Variants in NEK11 observed in about 807,000 individuals in gnomAD.
NEK11 encodes the protein NIMA related kinase 11, also known as serine/threonine-protein kinase Nek11.
Under a neutral mutation model 80.7 loss-of-function variants are expected in NEK11, and 72 were observed. The observed-to-expected ratio is 0.89, with a 90% CI of 0.74 to 1.08. The LOEUF (loss-of-function observed/expected upper bound fraction) is 1.08. NEK11 is among the 50% of genes least tolerant of loss of function. The pLI is 0.00. For synonymous variants in NEK11, 251 were observed against 260.7 expected (o/e 0.96, Z 0.36); for missense variants, 764 against 763.6 (o/e 1.00, Z -0.01).
chr3:131,319,040 T>C (rs1032768283), intron 17 of NEK11, among the ~76,000 whole-genome samples: 2 of 152,054 alleles, frequency 1.3e-5, no homozygotes, highest in Admixed American at 6.6e-5. Flanking sequence ...ATAACTCATA[T>C]ATAATGTTGA....
At chr3:131,319,101 A>T (rs10934967) in intron 17 of NEK11, among the ~76,000 whole-genome samples, 8,264 of 152,174 alleles carry the variant, frequency 0.054, 729 homozygotes, top group African/African-American at 0.19. Flanking sequence ...ACTAAGATAA[A>T]TATCTTGTAA....
intron 17 of NEK11, chr3:131,325,561 A>T (rs568835518): frequency 1.2e-4 from 19 of 152,288 alleles, no homozygotes; most frequent in African/African-American, 4.1e-4. Flanking sequence ...TATACTTTAT[A>T]TCTTTTCATA....
chr3:131,263,773 C>G (rs1017419520), intron 16 of NEK11, among the ~76,000 whole-genome samples: 17 of 152,078 alleles, frequency 1.1e-4, no homozygotes, highest in African/African-American at 4.1e-4. Flanking sequence ...AGTTCTAGAT[C>G]CTTGAGGAAT....
intron 4 of NEK11, among the ~76,000 whole-genome samples, chr3:131,082,223 T>A (rs2075375796): frequency 6.6e-6 from 1 of 152,232 alleles, no homozygotes. Flanking sequence ...CACCAATTCG[T>A]GCAAAACTAC....
At chr3:131,259,209 C>T (rs1290919634) in intron 16 of NEK11, among the ~76,000 whole-genome samples, 1 of 152,138 alleles carries the variant, frequency 6.6e-6, no homozygotes, top group Non-Finnish European at 1.5e-5. Flanking sequence ...CTCTCCTAGA[C>T]CATCTTCTTC....
In NEK11 at chr3:131,040,485, G is replaced by A. The variant is rs2066315530; in HGVS notation, c.170+10607G>A. 2.0e-5 allele frequency among the ~76,000 whole-genome samples: 3 copies of A among 152,200 alleles called. No homozygotes were observed. The South Asian group carries it at 6.2e-4, about 32-fold the overall frequency. On this transcript the variant is annotated intron_variant, in intron 3 of 17. Coordinates refer to ENST00000383366, the MANE Select transcript of NEK11 (RefSeq NM_024800.5). Reference sequence around the variant, plus strand: ...ATATGTGCAGTGTATTATGTCAATTGTACCTTAACAATTGTGTTTAGAAAA... The same window carrying A: ...ATATGTGCAGTGTATTATGTCAATTATACCTTAACAATTGTGTTTAGAAAA...
chr3:131,204,657 A>G (rs1296688632), intron 14 of NEK11, among the ~76,000 whole-genome samples: 2 of 151,880 alleles, frequency 1.3e-5, no homozygotes, highest in Non-Finnish European at 2.9e-5. Flanking sequence ...GCAGAGGAAA[A>G]ATGGTTTGAG....
intron 14 of NEK11, chr3:131,174,650 G>C (rs1416902305): frequency 2.7e-6 from 3 of 1,098,432 alleles, no homozygotes; most frequent in African/African-American, 1.6e-5. Flanking sequence ...CAACTGGAAT[G>C]TTAAAGAAAT....
At position 131,062,539 on chromosome 3, in the gene NEK11, C is replaced by T. The variant is rs573785533; in HGVS notation, c.171-17884C>T. On this transcript the variant is annotated intron_variant, in intron 3 of 17. Transcript: ENST00000383366. ...CCACCACCAGAAATAAAATATAGAA[C>T]ATTCCTACACCCTTAAAAAGTTATC... Among the ~76,000 whole-genome samples, 7 of 152,324 alleles carry T rather than the reference C, an allele frequency of 4.6e-5. No homozygotes were observed. The South Asian group carries it at 1.4e-3, about 32-fold the overall frequency.
chr3:131,092,926 A>G (rs577596018), intron 4 of NEK11: 10 of 152,338 alleles, frequency 6.6e-5, no homozygotes, highest in African/African-American at 2.4e-4. Context: ...CAAAGCAAGC[A>G]CAATTTCTCG....
intron 17 of NEK11, among the ~76,000 whole-genome samples, chr3:131,337,311 TG>T (rs1238576490): frequency 6.6e-5 from 10 of 152,124 alleles, no homozygotes; most frequent in African/African-American, 2.2e-4. Flanking sequence ...TCATGTCCTT[TG>T]TAGGGACATG....
At chr3:131,234,043 C>T (rs892355401) in intron 15 of NEK11, among the ~76,000 whole-genome samples, 1 of 152,228 alleles carries the variant, frequency 6.6e-6, no homozygotes, top group Non-Finnish European at 1.5e-5. Context: ...TTCTCCTCCA[C>T]TGATGATAGA....
chr3:131,089,795 G>C (rs2076477192), intron 4 of NEK11, among the ~76,000 whole-genome samples: 1 of 152,044 alleles, frequency 6.6e-6, no homozygotes, highest in Non-Finnish European at 1.5e-5. Flanking sequence ...GATGATAATA[G>C]GGATATGCAT....
chr3:131,068,147 C>T (rs557713295), intron 3 of NEK11, among the ~76,000 whole-genome samples: 3 of 152,316 alleles, frequency 2.0e-5, no homozygotes, highest in African/African-American at 7.2e-5. Context: ...CAAATCCACC[C>T]TCTGTCCCAA....
At chr3:131,029,348 A>G (rs188684182) in intron 2 of NEK11, among the ~76,000 whole-genome samples, 140 of 152,344 alleles carry the variant, frequency 9.2e-4, no homozygotes, top group African/African-American at 3.2e-3. Context: ...TGCTCATTGT[A>G]AAACAGATGT....
intron 4 of NEK11, among the ~76,000 whole-genome samples, chr3:131,103,455 G>T (rs2078698698): frequency 6.6e-6 from 1 of 152,196 alleles, no homozygotes; most frequent in Non-Finnish European, 1.5e-5. Context: ...TGTTGTTGTA[G>T]TTTGGGCTGC....
intron 14 of NEK11, among the ~76,000 whole-genome samples, chr3:131,227,756 T>G (rs2095240560): frequency 6.6e-6 from 1 of 152,090 alleles, no homozygotes; most frequent in Non-Finnish European, 1.5e-5. Flanking sequence ...TAGCCCCCCA[T>G]TAGTAAATTA....
intron 4 of NEK11, among the ~76,000 whole-genome samples, chr3:131,098,578 T>C (rs1262930183): frequency 7.4e-5 from 10 of 134,748 alleles, no homozygotes; most frequent in African/African-American, 2.1e-4. Flanking sequence ...CTTTGCCCAC[T>C]TTTTTTTTTT....
At position 131,080,419 on chromosome 3, in the gene NEK11, T is replaced by G. The variant is rs377638407; in HGVS notation, c.171-4T>G. 24 of 1,583,134 alleles carry G rather than the reference T, an allele frequency of 1.5e-5. No individual in the cohort carries two copies. The Middle Eastern group carries it at 8.4e-4, about 56-fold the overall frequency. The stretch of plus-strand genomic sequence containing the variant: ...AATGTTTTTAAAATTTTTTTTGATC[T>G]CAGAAAGGTACTTAAGGAAATATCT... On this transcript the variant is annotated splice_region_variant and splice_polypyrimidine_tract_variant and intron_variant, in intron 3 of 17. Transcript: ENST00000383366.
Sources: allele counts gnomAD v4.1 joint callset (sites outside exome capture counted in the v4.1 genomes callset), GRCh38; gene constraint gnomAD v4.1.1; transcripts MANE v1.5; gene names NCBI Gene and HGNC (gene_info 2026-07-23, HGNC 2026-07-21).